Variants in SWT1 observed in about 807,000 individuals in gnomAD.
The protein encoded by SWT1 is SWT1 RNA endoribonuclease homolog.
In SWT1, 33 loss-of-function variants were observed where a neutral mutation model predicts 107.3. The observed-to-expected ratio is 0.31, with a 90% CI of 0.23 to 0.41. The LOEUF is 0.41. Ranked by LOEUF, SWT1 falls within the 10% of genes least tolerant of loss-of-function variation. SWT1 has a pLI of 1.00. For missense variants in SWT1, 898 were observed against 1,028.9 expected, an observed-to-expected ratio of 0.87 and a Z score of 1.74; for synonymous variants, 345 against 348.3, an observed-to-expected ratio of 0.99 and a Z score of 0.11.
chr1:185,236,422 A>G (rs572387543), intron 16 of SWT1, among the ~76,000 whole-genome samples: 2 of 152,326 alleles, frequency 1.3e-5, no homozygotes, highest in East Asian at 3.9e-4. Context: ...CCACACATCT[A>G]CAACCATTTG....
At chr1:185,217,932 G>C (rs1368218800) in intron 14 of SWT1, among the ~76,000 whole-genome samples, 1 of 152,114 alleles carries the variant, frequency 6.6e-6, no homozygotes, top group Admixed American at 6.6e-5. Flanking sequence ...AATTATAATA[G>C]AAATAAAGTG....
chr1:185,208,742 C>CTTTT (rs11444869), intron 13 of SWT1, among the ~76,000 whole-genome samples: 2 of 142,762 alleles, frequency 1.4e-5, no homozygotes, highest in African/African-American at 5.1e-5. Context: ...CGATGAATAT[C>CTTTT]TTTTTTTTTT....
chr1:185,228,626 G>A (rs536073257), intron 15 of SWT1, among the ~76,000 whole-genome samples: 5 of 152,272 alleles, frequency 3.3e-5, no homozygotes, highest in African/African-American at 1.2e-4. Context: ...AAGGGAAAAT[G>A]TTGTATTTAT....
chr1:185,159,564 T>A (rs184412168), intron 1 of SWT1, among the ~76,000 whole-genome samples: 192 of 152,268 alleles, frequency 1.3e-3, no homozygotes, highest in African/African-American at 4.3e-3. Context: ...ATTCACTCAG[T>A]AGGCATTTAT....
intron 11 of SWT1, 131 bp downstream of exon 11, chr1:185,202,930 A>G (rs1571492542): frequency 2.2e-6 from 1 of 462,486 alleles, no homozygotes; most frequent in East Asian, 3.7e-5. Context: ...ACTTGCTGGC[A>G]TGTAAGTCAT....
chr1:185,220,753 G>C (rs1659593806), intron 14 of SWT1, among the ~76,000 whole-genome samples: 1 of 152,126 alleles, frequency 6.6e-6, no homozygotes, highest in African/African-American at 2.4e-5. Context: ...TACAACAAGA[G>C]GCCATAAAAT....
chr1:185,260,491 T>C (rs947914993), intron 16 of SWT1, among the ~76,000 whole-genome samples: 3 of 152,136 alleles, frequency 2.0e-5, no homozygotes, highest in Admixed American at 2.0e-4. Flanking sequence ...ATCTTTAACA[T>C]CATCATGCTA....
At chr1:185,190,716 C>T in intron 10 of SWT1, 74 bp downstream of exon 10, 1 of 885,238 alleles carries the variant, frequency 1.1e-6, no homozygotes, top group Non-Finnish European at 1.8e-6. Flanking sequence ...ATATGGTATC[C>T]AGCATACCAA....
At chr1:185,185,029 AC>A in intron 9 of SWT1, 98 bp downstream of exon 9, 1 of 851,600 alleles carries the variant, frequency 1.2e-6, no homozygotes, top group Non-Finnish European at 1.7e-6. Flanking sequence ...AAACATTTAA[AC>A]CCATTGGAAT....
rs1665213032 is a variant in SWT1, at chr1:185,290,793, A to G, written c.2693A>G (p.Tyr898Cys). The change falls in exon 19 of 19, where the codon TAT (tyrosine) becomes TGT (cysteine). Residue 898 changes from tyrosine to cysteine, a missense_variant. Coordinates refer to ENST00000367500, the MANE Select transcript of SWT1 (RefSeq NM_017673.7). ...GGATGGTGTGAAGACATGCTCAACT[A>G]TAGGATATAAGTACTGATTTGTAAC... ...NRGWCEDMLNYRI is the reference protein window; with the variant it reads ...NRGWCEDMLNCRI 7 of 1,607,602 alleles carry G rather than the reference A, an allele frequency of 4.4e-6. No homozygotes were observed. Among genetic ancestry groups the G allele is most frequent in the South Asian group, 1.1e-5 (1 of 90,274 alleles).
At chr1:185,246,375 C>T (rs1462757744) in intron 16 of SWT1, among the ~76,000 whole-genome samples, 1 of 151,334 alleles carries the variant, frequency 6.6e-6, no homozygotes, top group East Asian at 2.0e-4. Context: ...CTTCCTGGCT[C>T]AGGTGATTCT....
intron 16 of SWT1, among the ~76,000 whole-genome samples, chr1:185,249,405 A>G (rs1401773846): frequency 1.3e-5 from 2 of 152,090 alleles, no homozygotes; most frequent in Non-Finnish European, 2.9e-5. Flanking sequence ...ATCTTGGAAA[A>G]TACAGTCTGC....
Position 185,269,375 on chromosome 1 carries a change from T to TTTG in SWT1, c.2442-1946_2442-1945insGTT, listed in dbSNP as rs1259493499. ...TTTTGGAGGGTTAAGAGGTTTTTGT[T>TTTG]TTTTTTTTTTTTTGTATTTTAAAAT... is the stretch of plus-strand genomic sequence containing the variant. On this transcript the variant is annotated intron_variant, in intron 16 of 18. Coordinates refer to ENST00000367500, the MANE Select transcript of SWT1 (RefSeq NM_017673.7). 4.7e-5 allele frequency among the ~76,000 whole-genome samples: 7 copies of TTTG among 148,822 alleles called. No individual in the cohort carries two copies. In the East Asian group the frequency reaches 1.2e-3, roughly 25 times the overall value.
At chr1:185,173,799 T>C (rs1284190656) in intron 4 of SWT1, among the ~76,000 whole-genome samples, 1 of 151,968 alleles carries the variant, frequency 6.6e-6, no homozygotes, top group Admixed American at 6.6e-5. Flanking sequence ...AGTGGATTGC[T>C]TGAGCCCAGG....
chr1:185,272,874 A>C (rs968703307), intron 17 of SWT1, among the ~76,000 whole-genome samples: 7 of 151,912 alleles, frequency 4.6e-5, no homozygotes, highest in African/African-American at 1.7e-4. Context: ...CATCTCTCTA[A>C]AAAACAAACA....
chr1:185,169,659 G>A (rs992362220), intron 4 of SWT1, among the ~76,000 whole-genome samples: 8 of 152,088 alleles, frequency 5.3e-5, no homozygotes, highest in African/African-American at 1.9e-4. Context: ...TTGGGAGGCC[G>A]AGGTGGGAGG....
At chr1:185,263,416 C>G (rs1350312748) in intron 16 of SWT1, 7 of 152,410 alleles carry the variant, frequency 4.6e-5, no homozygotes, top group African/African-American at 1.7e-4. Flanking sequence ...CCTAACTTTA[C>G]CAGCTCATCT....
chr1:185,257,396 A>G (rs776801868), intron 16 of SWT1, among the ~76,000 whole-genome samples: 1 of 152,012 alleles, frequency 6.6e-6, no homozygotes, highest in Non-Finnish European at 1.5e-5. Flanking sequence ...GCCGCCTTGC[A>G]GTTTGATCTC....
rs777550776 is a variant in SWT1, at chr1:185,174,791, A to G, written c.644A>G (p.Tyr215Cys). 1.2e-6 allele frequency: 2 copies of G among 1,612,038 alleles called. No individual in the cohort carries two copies. The highest frequency in any genetic ancestry group is 1.7e-6 in the Non-Finnish European group (2 of 1,179,564). Reference sequence around the variant, plus strand: ...AAGAGAAATCAATTTTCTCAGGATTATAACTCCAACAAGATAATTAAGGAA... The same window carrying G: ...AAGAGAAATCAATTTTCTCAGGATTGTAACTCCAACAAGATAATTAAGGAA... ...KWKRNQFSQD[Y>C]NSNKIIKEPL... The change falls in exon 5 of 19, where the codon TAT becomes TGT. Residue 215 changes from tyrosine (Y) to cysteine (C), a missense_variant. Physicochemically the swap from Tyr to Cys is radical, Grantham distance 194. This residue lies in a region of SWT1 where 382 missense variants were observed against 362.4 expected (regional missense o/e 1.05). Transcript: ENST00000367500.
Sources: allele counts gnomAD v4.1 joint callset (sites outside exome capture counted in the v4.1 genomes callset), GRCh38; gene constraint gnomAD v4.1.1; regional missense constraint gnomAD v4.1.1; transcripts MANE v1.5; gene names NCBI Gene and HGNC (gene_info 2026-07-23, HGNC 2026-07-21).